FGD6: variants seen among roughly 807,000 people sequenced by gnomAD.
FGD6 encodes FYVE, RhoGEF and PH domain-containing protein 6.
Under a neutral mutation model 149.4 loss-of-function variants are expected in FGD6, and 90 were observed. The ratio of observed to expected loss-of-function variants is 0.60; its 90% CI spans 0.51 to 0.72. The LOEUF (loss-of-function observed/expected upper bound fraction) is 0.72, where lower values mean the gene tolerates loss of function less well. FGD6 is among the 30% of genes least tolerant of loss of function. FGD6 has a pLI of 0.00. For synonymous variants in FGD6, 527 were observed against 584.0 expected (o/e 0.90, Z 1.41); for missense variants, 1,437 against 1,684.8 (o/e 0.85, Z 2.57).
At chr12:95,107,998 T>TC (rs1455859763) in intron 11 of FGD6, among the ~76,000 whole-genome samples, 3 of 151,816 alleles carry the variant, frequency 2.0e-5, no homozygotes, top group Non-Finnish European at 2.9e-5. Context: ...AATACCAATC[T>TC]CCCCCCTCCC....
intron 20 of FGD6, among the ~76,000 whole-genome samples, chr12:95,082,777 G>A (rs1381136053): frequency 1.3e-5 from 2 of 150,248 alleles, no homozygotes; most frequent in African/African-American, 4.9e-5. Context: ...CTTGAGAGTA[G>A]TCTTTTTCCT....
intron 3 of FGD6, among the ~76,000 whole-genome samples, chr12:95,165,649 T>G (rs966560901): frequency 6.6e-6 from 1 of 151,568 alleles, no homozygotes; most frequent in African/African-American, 2.4e-5. Flanking sequence ...ATTTTGTTTT[T>G]TCCTAAGTGA....
intron 2 of FGD6, 69 bp from the exon 3 acceptor site, chr12:95,172,813 A>G: frequency 1.6e-6 from 2 of 1,265,304 alleles, no homozygotes; most frequent in Non-Finnish European, 1.1e-6. Flanking sequence ...CAAAAACCAA[A>G]TCAACATCTT....
intron 3 of FGD6, among the ~76,000 whole-genome samples, chr12:95,169,791 AAG>A (rs1172686057): frequency 3.9e-5 from 6 of 152,198 alleles, no homozygotes; most frequent in Admixed American, 6.6e-5. Flanking sequence ...TTGCTTTTCA[AAG>A]AGAGTCAGGA....
At position 95,082,984 on chromosome 12, in the gene FGD6, T is replaced by TTAAAAAAAAAAAA. The variant is rs1386719189; in HGVS notation, c.4257-1429_4257-1428insTTTTTTTTTTTTA. 1.9e-4 allele frequency among the ~76,000 whole-genome samples: 6 copies of TTAAAAAAAAAAAA among 31,112 alleles called. 2 individuals carry two copies. The highest frequency in any genetic ancestry group is 1.5e-4 in the Non-Finnish European group (3 of 19,498). The allele number at this position is 31,112 out of a possible 152,430, so 20.4% of individuals were successfully genotyped here. Reference sequence around the variant, plus strand: ...CAACATTGCTAGACTCTGTCTCCATTAAAAAAAAAAAAAAAAAAAAAAAAA... The same window carrying TTAAAAAAAAAAAA: ...CAACATTGCTAGACTCTGTCTCCATTTAAAAAAAAAAAAAAAAAAAAAAAAAAAAAAAAAAAAA... On this transcript the variant is annotated intron_variant, in intron 20 of 20. Coordinates refer to ENST00000343958, the MANE Select transcript of FGD6 (RefSeq NM_018351.4).
rs149987438 is a variant in FGD6 at position 95,146,516 on chromosome 12, A to G, written c.2686-4977T>C. ...TTCACACTGGAAAAGCTGGGTAAAT[A>G]AAATATTAAAATAGTGGGGGGAGGA... is the stretch of plus-strand genomic sequence containing the variant. On this transcript the variant is annotated intron_variant, in intron 5 of 20. Transcript: ENST00000343958. Among the ~76,000 whole-genome samples, 42 of 152,312 alleles carry G rather than the reference A, an allele frequency of 2.8e-4. 1 individual carries two copies. The East Asian group carries it at 7.9e-3, about 29-fold the overall frequency.
At chr12:95,081,788 G>A (rs1039320814) in intron 20 of FGD6, among the ~76,000 whole-genome samples, 18 of 150,928 alleles carry the variant, frequency 1.2e-4, no homozygotes, top group East Asian at 5.8e-4. Context: ...GGGTTCAAGC[G>A]ATTCCTCCCA....
Position 95,094,585 on chromosome 12 carries a change from AC to A in FGD6, c.3600+6del. On this transcript the variant is annotated splice_donor_region_variant and intron_variant, in intron 15 of 20. Transcript: ENST00000343958. ...CTGGAAAAAAAAAAAAAAGGAGAAA[AC>A]AATACCTCATCAAGACTCCTACTAG... 6.3e-7 allele frequency: 1 copy of A among 1,581,082 alleles called. No individual in the cohort carries two copies.
intron 5 of FGD6, among the ~76,000 whole-genome samples, chr12:95,147,613 A>G (rs1245498886): frequency 2.6e-5 from 4 of 152,180 alleles, no homozygotes; most frequent in African/African-American, 9.7e-5. Context: ...ATTTCAAGTA[A>G]TAATTTTCAA....
At chr12:95,184,603 GGA>G (rs1881373978) in intron 2 of FGD6, among the ~76,000 whole-genome samples, 1 of 149,908 alleles carries the variant, frequency 6.7e-6, no homozygotes, top group African/African-American at 2.4e-5. Context: ...TTTTTGAGAT[GGA>G]GTCTTGCTCT....
intron 8 of FGD6, among the ~76,000 whole-genome samples, chr12:95,129,130 G>C (rs747353915): frequency 1.3e-5 from 2 of 152,152 alleles, no homozygotes; most frequent in Non-Finnish European, 2.9e-5. Context: ...GAAATAGAAG[G>C]AGCAGAAACT....
At chr12:95,113,326 G>A (rs899793147) in intron 9 of FGD6, among the ~76,000 whole-genome samples, 9 of 149,802 alleles carry the variant, frequency 6.0e-5, no homozygotes, top group Non-Finnish European at 7.4e-5. Context: ...TCCGCCTTCC[G>A]GGTTCAAGCA....
At chr12:95,107,921 A>C (rs1243455701) in intron 11 of FGD6, among the ~76,000 whole-genome samples, 1 of 152,174 alleles carries the variant, frequency 6.6e-6, no homozygotes, top group Admixed American at 6.5e-5. Flanking sequence ...ACATCCTGAC[A>C]ACCGCATTTT....
At chr12:95,144,398 C>CT (rs200534964) in intron 5 of FGD6, among the ~76,000 whole-genome samples, 65 of 143,264 alleles carry the variant, frequency 4.5e-4, no homozygotes, top group South Asian at 1.7e-3. Flanking sequence ...CACAGAGTTA[C>CT]TTTTTTTTTT....
At chr12:95,141,091 C>T (rs961132254) in intron 6 of FGD6, among the ~76,000 whole-genome samples, 2 of 152,070 alleles carry the variant, frequency 1.3e-5, no homozygotes, top group African/African-American at 4.8e-5. Flanking sequence ...GGCGTGGTGG[C>T]ACACGCCTAT....
intron 7 of FGD6, 95 bp from the exon 8 acceptor site, chr12:95,134,921 C>A: frequency 1.1e-6 from 1 of 898,706 alleles, no homozygotes; most frequent in South Asian, 1.7e-5. Context: ...AAACATCAAG[C>A]AACTCTGGAA....
rs911525009 is a variant in FGD6, at chr12:95,201,981, C to G, written c.2441+6862G>C. ...ACACACACACACACACACACACACA[C>G]ACACACACACACACACACATCTTCT... On this transcript the variant is annotated intron_variant, in intron 2 of 20. Coordinates refer to ENST00000343958, the MANE Select transcript of FGD6 (RefSeq NM_018351.4). Among the ~76,000 whole-genome samples, 4 of 151,674 alleles carry G rather than the reference C, an allele frequency of 2.6e-5. No homozygotes were observed. In the East Asian group the frequency reaches 5.8e-4, roughly 22 times the overall value.
rs1250249180 is a variant in FGD6, at chr12:95,143,286, TTTTTTTG to T, written c.2686-1754_2686-1748del. ...ACATATATTAACCATGAGGTTTGTT[TTTTTTTG>T]TTTTTTTTTTTTTTAACTCTGGACA... On this transcript the variant is annotated intron_variant, in intron 5 of 20. Coordinates refer to ENST00000343958, the MANE Select transcript of FGD6 (RefSeq NM_018351.4). Among the ~76,000 whole-genome samples the T allele has an allele frequency of 2.6e-4, 15 of 58,232 alleles. No homozygotes were observed. In the East Asian group the frequency reaches 6.9e-3, roughly 27 times the overall value. 38.2% of individuals were successfully genotyped at this position (58,232 alleles called of 152,430 possible). A position where few individuals can be genotyped will look rare whatever the true frequency, so the allele number is the denominator to read the frequency against.
At chr12:95,189,493 C>T (rs1283772940) in intron 2 of FGD6, 1 of 151,820 alleles carries the variant, frequency 6.6e-6, no homozygotes, top group Non-Finnish European at 1.5e-5. Flanking sequence ...CAAACAAATA[C>T]AAAAATTAGC....
Sources: gnomAD v4.1 joint callset for allele counts (sites outside exome capture counted in the v4.1 genomes callset) on GRCh38, gnomAD v4.1.1 for gene constraint, MANE v1.5 for transcripts, NCBI Gene and HGNC (gene_info 2026-07-23, HGNC 2026-07-21) for gene names.